The following GPR176 variants were observed in gnomAD, a reference collection of about 807,000 sequenced individuals.
GPR176 encodes G-protein coupled receptor 176.
A neutral mutation model predicts 35.4 loss-of-function variants in GPR176; 26 were observed. That is an observed-to-expected ratio of 0.74 (90% CI 0.54 to 1.02). GPR176 has a LOEUF of 1.02. GPR176 is among the 50% of genes least tolerant of loss of function. The pLI, the probability that GPR176 is intolerant of heterozygous loss-of-function variation, is 0.00. For missense variants in GPR176, 597 were observed against 665.3 expected (o/e 0.90, Z 1.13); for synonymous variants, 278 against 271.3 (o/e 1.02, Z -0.24).
intron 1 of GPR176, among the ~76,000 whole-genome samples, chr15:39,839,236 T>C (rs180946877): frequency 1.3e-5 from 2 of 152,220 alleles, no homozygotes; most frequent in Admixed American, 1.3e-4. Flanking sequence ...CTTCAAACTA[T>C]ACTACTAGGT....
In GPR176 at chr15:39,801,078, A is replaced by G. The variant is rs1595425579; in HGVS notation, c.*54T>C. 1.4e-6 allele frequency: 2 copies of G among 1,431,856 alleles called. No homozygotes were observed. The highest frequency in any genetic ancestry group is 4.6e-5 in the East Asian group (2 of 43,810). The allele number at this position is 1,431,856 out of a possible 1,614,324, so 88.7% of individuals were successfully genotyped here. A position where few individuals can be genotyped will look rare whatever the true frequency, so the allele number is the denominator to read the frequency against. ...AATCACATGGCCACAGCATTCCCAC[A>G]CTCTGGTGGGAATATGGAAGCTCCC... is the stretch of plus-strand genomic sequence containing the variant. On this transcript the variant is annotated 3_prime_UTR_variant, in exon 3 of 3. Transcript: ENST00000561100.
At chr15:39,821,430 C>T (rs1422780037) in intron 1 of GPR176, among the ~76,000 whole-genome samples, 2 of 152,178 alleles carry the variant, frequency 1.3e-5, no homozygotes, top group South Asian at 2.1e-4. Context: ...TTTCATTAAG[C>T]CACAGTTTCC....
chr15:39,813,562 T>G (rs1015394850), intron 1 of GPR176: 2 of 152,214 alleles, frequency 1.3e-5, no homozygotes, highest in African/African-American at 4.8e-5. Context: ...AATGTGTCTT[T>G]TCTTTTCTCT....
intron 1 of GPR176, among the ~76,000 whole-genome samples, chr15:39,906,650 C>T (rs2033430504): frequency 6.6e-6 from 1 of 152,208 alleles, no homozygotes; most frequent in South Asian, 2.1e-4. Flanking sequence ...CTGTGGATTT[C>T]CTATCAAGAG....
chr15:39,893,850 G>GTT (rs2032976100), intron 1 of GPR176, among the ~76,000 whole-genome samples: 2 of 146,282 alleles, frequency 1.4e-5, no homozygotes, highest in South Asian at 4.3e-4. Flanking sequence ...TCCCAGTAGG[G>GTT]GCGGCCGGGC....
At chr15:39,901,474 T>C (rs2033275347) in intron 1 of GPR176, among the ~76,000 whole-genome samples, 1 of 152,186 alleles carries the variant, frequency 6.6e-6, no homozygotes, top group Non-Finnish European at 1.5e-5. Context: ...GTAGGACTGG[T>C]ACCAATAACC....
chr15:39,868,235 C>T (rs1280511663), intron 1 of GPR176, among the ~76,000 whole-genome samples: 2 of 152,184 alleles, frequency 1.3e-5, no homozygotes, highest in Non-Finnish European at 2.9e-5. Context: ...ATGGGTTTCT[C>T]CAGGCTCTTG....
intron 1 of GPR176, chr15:39,807,471 A>T: frequency 9.1e-7 from 1 of 1,104,812 alleles, no homozygotes; most frequent in Non-Finnish European, 1.2e-6. Flanking sequence ...GTCTAGAAAA[A>T]ATTTTAGTGG....
intron 1 of GPR176, among the ~76,000 whole-genome samples, chr15:39,868,167 C>G (rs879705622): frequency 8.5e-5 from 13 of 152,130 alleles, no homozygotes; most frequent in African/African-American, 1.4e-4. Flanking sequence ...AAGGAGAAAG[C>G]AGGAGCAGGA....
intron 1 of GPR176, among the ~76,000 whole-genome samples, chr15:39,918,277 G>A (rs553445231): frequency 1.2e-4 from 19 of 152,190 alleles, no homozygotes; most frequent in African/African-American, 3.9e-4. Context: ...AAATGTTTAC[G>A]ATTTGCTATG....
At chr15:39,829,667 T>C (rs1900932708) in intron 1 of GPR176, among the ~76,000 whole-genome samples, 1 of 152,144 alleles carries the variant, frequency 6.6e-6, no homozygotes. Flanking sequence ...TTATCTGTCT[T>C]TACAGTTCCA....
At chr15:39,891,293 TACTCA>T (rs2032862293) in intron 1 of GPR176, among the ~76,000 whole-genome samples, 1 of 152,232 alleles carries the variant, frequency 6.6e-6, no homozygotes, top group African/African-American at 2.4e-5. Context: ...GATTCTATAC[TACTCA>T]ATTCCAAAGG....
intron 1 of GPR176, among the ~76,000 whole-genome samples, chr15:39,841,631 T>C (rs2029999467): frequency 6.6e-6 from 1 of 151,914 alleles, no homozygotes; most frequent in Non-Finnish European, 1.5e-5. Context: ...CAAGGAAGGG[T>C]TCCCCCACAG....
intron 1 of GPR176, among the ~76,000 whole-genome samples, chr15:39,844,463 TC>T (rs1481291911): frequency 6.6e-6 from 1 of 152,030 alleles, no homozygotes; most frequent in Non-Finnish European, 1.5e-5. Flanking sequence ...TAGACAGTGT[TC>T]CATGGTTCTC....
chr15:39,916,807 A>T (rs556805724), intron 1 of GPR176, among the ~76,000 whole-genome samples: 44 of 152,162 alleles, frequency 2.9e-4, no homozygotes, highest in African/African-American at 1.1e-3. Flanking sequence ...TTTATTCCTA[A>T]TCTATGATTT....
intron 1 of GPR176, among the ~76,000 whole-genome samples, chr15:39,914,000 A>C (rs767111818): frequency 4.6e-5 from 7 of 152,046 alleles, no homozygotes; most frequent in Non-Finnish European, 1.0e-4. Flanking sequence ...GAGCTGAGAT[A>C]GCGCCACCGC....
At chr15:39,813,928 G>T (rs1278594318) in intron 1 of GPR176, among the ~76,000 whole-genome samples, 1 of 152,120 alleles carries the variant, frequency 6.6e-6, no homozygotes, top group Non-Finnish European at 1.5e-5. Context: ...GGGTTAAACA[G>T]CTTGCACATT....
intron 1 of GPR176, among the ~76,000 whole-genome samples, chr15:39,862,855 T>TATAC (rs1246553059): frequency 6.6e-6 from 1 of 152,006 alleles, no homozygotes; most frequent in African/African-American, 2.4e-5. Flanking sequence ...ATCTCATATA[T>TATAC]ATATATACTA....
chr15:39,901,581 C>A (rs775116912), intron 1 of GPR176, among the ~76,000 whole-genome samples: 1 of 152,106 alleles, frequency 6.6e-6, no homozygotes, highest in East Asian at 1.9e-4. Context: ...GGAACAACAA[C>A]AAAAAAGTCT....
Sources: allele counts gnomAD v4.1 joint callset (sites outside exome capture counted in the v4.1 genomes callset), GRCh38; gene constraint gnomAD v4.1.1; transcripts MANE v1.5; gene names NCBI Gene and HGNC (gene_info 2026-07-23, HGNC 2026-07-21).